The following CDC14A variants were observed in gnomAD, a reference collection of about 807,000 sequenced individuals.
CDC14A encodes cell division cycle 14A.
In CDC14A, 53 loss-of-function variants were observed where a neutral mutation model predicts 74.4. The observed-to-expected ratio is 0.71, with a 90% CI of 0.57 to 0.89. The LOEUF is 0.89. Ranked by LOEUF, CDC14A falls within the 40% of genes least tolerant of loss-of-function variation. The pLI, the probability that CDC14A is intolerant of heterozygous loss-of-function variation, is 0.00. For synonymous variants in CDC14A, 247 were observed against 258.4 expected (o/e 0.96, Z 0.43); for missense variants, 646 against 713.7 (o/e 0.91, Z 1.08).
rs183990677 is a variant in CDC14A at position 100,502,732 on chromosome 1, C to A, written c.1755+3470C>A. Among the ~76,000 whole-genome samples the A allele has an allele frequency of 5.3e-5, 8 of 152,298 alleles. 1 individual carries two copies. Among genetic ancestry groups the A allele is most frequent in the Non-Finnish European group, 8.8e-5 (6 of 68,008 alleles). On this transcript the variant is annotated intron_variant, in intron 15 of 15. Transcript: ENST00000336454. ...TGCTGGTAGAACCATGGGGGCAATT[C>A]TTTAGACAATTGTTAATCTCCCCTA... is the stretch of plus-strand genomic sequence containing the variant.
At position 100,468,000 on chromosome 1, in the gene CDC14A, A is replaced by G; in HGVS notation, c.883A>G (p.Lys295Glu). The G allele has an allele frequency of 2.5e-6, 4 of 1,610,884 alleles. No individual in the cohort carries two copies. The highest frequency in any genetic ancestry group is 3.4e-6 in the Non-Finnish European group (4 of 1,178,798). Reference sequence around the variant, plus strand: ...GACATTGATAGCCTGTTATGTAATGAAACACTACAGGTTTACACATGCTGA... The same window carrying G: ...GACATTGATAGCCTGTTATGTAATGGAACACTACAGGTTTACACATGCTGA... ...TGTLIACYVM[K>E]HYRFTHAEII... is the part of the protein sequence containing the mutation. Residue 295 changes from lysine to glutamate, a missense_variant, in exon 10 of 16, where the codon AAA becomes GAA. Physicochemically the swap from Lys to Glu is moderately conservative, Grantham distance 56 (BLOSUM62 1). Transcript: ENST00000336454.
intron 10 of CDC14A, among the ~76,000 whole-genome samples, chr1:100,478,330 G>T (rs1227141009): frequency 6.6e-6 from 1 of 151,834 alleles, no homozygotes; most frequent in East Asian, 1.9e-4. Context: ...TTGAACATTT[G>T]CTGTGTGAAT....
chr1:100,433,855 A>G (rs1224780905), intron 5 of CDC14A, among the ~76,000 whole-genome samples: 3 of 152,194 alleles, frequency 2.0e-5, no homozygotes, highest in East Asian at 3.8e-4. Flanking sequence ...TCCATGGTAC[A>G]AATACTTTTA....
At chr1:100,518,166 TG>T in intron 15 of CDC14A, 84 bp from the exon 16 acceptor site, 1 of 988,004 alleles carries the variant, frequency 1.0e-6, no homozygotes, top group Non-Finnish European at 1.6e-6. Flanking sequence ...TAAGCTGTCT[TG>T]TGTGGAAGGG....
At chr1:100,425,694 A>G (rs17122456) in intron 5 of CDC14A, among the ~76,000 whole-genome samples, 3,009 of 152,326 alleles carry the variant, frequency 0.02, 108 homozygotes, top group African/African-American at 0.069. Context: ...TGGAAGGGCA[A>G]ATAAAAAATG....
At chr1:100,378,778 C>G (rs1655659490) in intron 3 of CDC14A, among the ~76,000 whole-genome samples, 1 of 152,130 alleles carries the variant, frequency 6.6e-6, no homozygotes, top group Non-Finnish European at 1.5e-5. Flanking sequence ...ATCTGTTTTA[C>G]TCAACTTTTG....
intron 4 of CDC14A, among the ~76,000 whole-genome samples, chr1:100,420,059 C>CATATATATAT (rs1324396801): frequency 5.6e-3 from 137 of 24,286 alleles, no homozygotes; most frequent in Middle Eastern, 0.018. Flanking sequence ...CACACACACA[C>CATATATATAT]ACACATATAT....
Position 100,499,146 on chromosome 1 carries a change from C to A in CDC14A, c.1639C>A (p.Leu547Met). The stretch of plus-strand genomic sequence containing the variant: ...AAGCAGCAACAGCAACGGGGGCAAC[C>A]TGAACAGCCCCCCAGGCCCCCACAG... ...NRSSNSNGGN[L>M]NSPPGPHSAK... The change falls in exon 15 of 16, where the codon CTG becomes ATG. Residue 547 changes from leucine (L) to methionine (M), a missense_variant. By Grantham distance (15) the Leu-to-Met change is conservative. Coordinates refer to ENST00000336454, the MANE Select transcript of CDC14A (RefSeq NM_003672.4). The A allele has an allele frequency of 6.2e-7, 1 of 1,614,146 alleles. No homozygotes were observed.
intron 1 of CDC14A, 104 bp downstream of exon 1, chr1:100,353,107 GC>G (rs1651345641): frequency 7.9e-7 from 1 of 1,261,244 alleles, no homozygotes; most frequent in African/African-American, 1.5e-5. Flanking sequence ...GTGTCCTGCA[GC>G]CGCTGCGCGC....
chr1:100,477,431 A>T (rs992529191), intron 10 of CDC14A, among the ~76,000 whole-genome samples: 1 of 151,824 alleles, frequency 6.6e-6, no homozygotes, highest in African/African-American at 2.4e-5. Context: ...CGTGTGACTT[A>T]AGTGTTATTT....
rs1650500423 is a variant in CDC14A, at chr1:100,519,309, C to T, written c.*1029C>T. On this transcript the variant is annotated 3_prime_UTR_variant, in exon 16 of 16. Coordinates refer to ENST00000336454, the MANE Select transcript of CDC14A (RefSeq NM_003672.4). ...GAGATATTTTTAAAACAGGGTACAACCCCCTGCTGCACACGCTAGCATATC... is the reference window on the plus strand; with the variant it reads ...GAGATATTTTTAAAACAGGGTACAATCCCCTGCTGCACACGCTAGCATATC... 1 of 152,044 alleles carries T rather than the reference C, an allele frequency of 6.6e-6. No homozygotes were observed. The highest frequency in any genetic ancestry group is 2.4e-5 in the African/African-American group (1 of 41,396). 9.4% of individuals were successfully genotyped at this position (152,044 alleles called of 1,614,324 possible).
rs1034737671 is a variant in CDC14A, at chr1:100,476,493, G to T, written c.978-7799G>T. Among the ~76,000 whole-genome samples, 4 of 152,130 alleles carry T rather than the reference G, an allele frequency of 2.6e-5. No individual in the cohort carries two copies. In the South Asian group the frequency reaches 8.3e-4, roughly 32 times the overall value. On this transcript the variant is annotated intron_variant, in intron 10 of 15. Coordinates refer to ENST00000336454, the MANE Select transcript of CDC14A (RefSeq NM_003672.4). ...GCATTTTTGAATCATATCTTCTTCA[G>T]CCCTAAGACTAGGCTATATAAGGCA...
chr1:100,511,422 G>A (rs912307473), intron 15 of CDC14A, among the ~76,000 whole-genome samples: 7 of 152,130 alleles, frequency 4.6e-5, no homozygotes, highest in Admixed American at 2.6e-4. Flanking sequence ...CAGATCTGAT[G>A]GGCTCCTGTT....
rs964118179 is a variant in CDC14A at position 100,485,085 on chromosome 1, C to T, written c.1137+634C>T. 1.4e-5 allele frequency: 14 copies of T among 985,188 alleles called. No individual in the cohort carries two copies. The Admixed American group carries it at 2.5e-4, about 17-fold the overall frequency. 61.0% of individuals were successfully genotyped at this position (985,188 alleles called of 1,614,324 possible). On this transcript the variant is annotated intron_variant, in intron 11 of 15. Coordinates refer to ENST00000336454, the MANE Select transcript of CDC14A (RefSeq NM_003672.4). ...TCCAAGCTTGTGTTTTTTTATATCACACCCTGTTACCTCTGAATAAAAATA... is the reference window on the plus strand; with the variant it reads ...TCCAAGCTTGTGTTTTTTTATATCATACCCTGTTACCTCTGAATAAAAATA...
In CDC14A at chr1:100,393,479, T is replaced by C. The variant is rs1657996431; in HGVS notation, c.309+2655T>C. The C allele has an allele frequency of 9.1e-6, 7 of 771,354 alleles. No individual in the cohort carries two copies. The Admixed American group carries it at 1.2e-4, about 13-fold the overall frequency. 47.8% of individuals were successfully genotyped at this position (771,354 alleles called of 1,614,324 possible). ...TCATACTGAGCAATTCAGTTGGTTG[T>C]CGAGCAGCCAGTCTCTCAAATTCAT... is the stretch of plus-strand genomic sequence containing the variant. On this transcript the variant is annotated intron_variant, in intron 4 of 15. Transcript: ENST00000336454.
At chr1:100,502,971 A>C (rs1396627629) in intron 15 of CDC14A, among the ~76,000 whole-genome samples, 1 of 152,220 alleles carries the variant, frequency 6.6e-6, no homozygotes, top group East Asian at 1.9e-4. Context: ...AAATAGAATT[A>C]TCAACACAAC....
intron 5 of CDC14A, among the ~76,000 whole-genome samples, chr1:100,434,582 A>G (rs1664095452): frequency 6.6e-6 from 1 of 152,340 alleles, no homozygotes; most frequent in South Asian, 2.1e-4. Flanking sequence ...CAAGTGATGC[A>G]TTCAAGAGAT....
chr1:100,392,892 C>G (rs984278562), intron 4 of CDC14A: 2 of 548,260 alleles, frequency 3.6e-6, no homozygotes, highest in African/African-American at 1.9e-5. Flanking sequence ...AATAGAATTA[C>G]CGCAGCAGCC....
rs1342737048 is a variant in CDC14A, at chr1:100,487,348, C to T, written c.1137+2897C>T. On this transcript the variant is annotated intron_variant, in intron 11 of 15. Transcript: ENST00000336454. ...CTGAGGCAGATGGATCACTTGAGGTCAGGAGTTTGAGACCAGGCTGGCCAG... is the reference window on the plus strand; with the variant it reads ...CTGAGGCAGATGGATCACTTGAGGTTAGGAGTTTGAGACCAGGCTGGCCAG... Among the ~76,000 whole-genome samples, 4 of 152,106 alleles carry T rather than the reference C, an allele frequency of 2.6e-5. 1 individual carries two copies. Among genetic ancestry groups the T allele is most frequent in the Admixed American group, 2.6e-4 (4 of 15,278 alleles).
Sources: allele counts gnomAD v4.1 joint callset (sites outside exome capture counted in the v4.1 genomes callset), GRCh38; gene constraint gnomAD v4.1.1; transcripts MANE v1.5; gene names NCBI Gene and HGNC (gene_info 2026-07-23, HGNC 2026-07-21).